The following HMGXB3 variants were observed in gnomAD, a reference collection of about 807,000 sequenced individuals.
The protein encoded by HMGXB3 is HMG-box containing 3.
Under a neutral mutation model 121.5 loss-of-function variants are expected in HMGXB3, and 45 were observed. That is an observed-to-expected ratio of 0.37 (90% CI 0.29 to 0.47). The LOEUF is 0.47. Ranked by LOEUF, HMGXB3 falls within the 20% of genes least tolerant of loss-of-function variation. HMGXB3 has a pLI of 0.99. For synonymous variants in HMGXB3, 590 were observed against 624.1 expected, an observed-to-expected ratio of 0.95 and a Z score of 0.81; for missense variants, 1,376 against 1,602.2, an observed-to-expected ratio of 0.86 and a Z score of 2.41.
chr5:150,032,535 C>T lies in HMGXB3; in HGVS notation c.1915C>T (p.Pro639Ser). Residue 639 changes from proline (P) to serine (S), a missense_variant, in exon 11 of 20, where the codon CCT (proline) becomes TCT (serine). This residue lies in a region of HMGXB3 where 1,116 missense variants were observed against 1,369.0 expected (regional missense o/e 0.82). Transcript: ENST00000502717. ...CTATGTCTACACCAACAGGCACAAA[C>T]CTCGAATTTGTCCCAGCTGTGGTGT... ...CSYVYTNRHK[P>S]RICPSCGVNL... The T allele has an allele frequency of 6.4e-7, 1 of 1,552,124 alleles. No homozygotes were observed.
At chr5:150,019,643 T>G (rs1435523495) in intron 6 of HMGXB3, among the ~76,000 whole-genome samples, 1 of 152,112 alleles carries the variant, frequency 6.6e-6, no homozygotes, top group Non-Finnish European at 1.5e-5. Flanking sequence ...GGCAAGGTAT[T>G]ATAGAAGAGA....
rs563897436 is a variant in HMGXB3 at position 150,020,667 on chromosome 5, C to T, written c.1041+1970C>T. Among the ~76,000 whole-genome samples, 25 of 151,788 alleles carry T rather than the reference C, an allele frequency of 1.6e-4. No homozygotes were observed. The South Asian group carries it at 4.6e-3, about 28-fold the overall frequency. On this transcript the variant is annotated intron_variant, in intron 6 of 19. Coordinates refer to ENST00000502717, the MANE Select transcript of HMGXB3 (RefSeq NM_014983.3). ...TTCAAATTCTTGGTCTCAAGTGATCCTCCTGCCTCAGCTTCCTGAGTAGCT... is the reference window on the plus strand; with the variant it reads ...TTCAAATTCTTGGTCTCAAGTGATCTTCCTGCCTCAGCTTCCTGAGTAGCT...
At chr5:150,011,892 G>A (rs977943119) in intron 4 of HMGXB3, among the ~76,000 whole-genome samples, 5 of 152,068 alleles carry the variant, frequency 3.3e-5, no homozygotes, top group African/African-American at 7.2e-5. Context: ...GATTACAGGC[G>A]TGAGCCGCCG....
chr5:150,048,943 A>C (rs980659577), intron 18 of HMGXB3, among the ~76,000 whole-genome samples: 11 of 152,200 alleles, frequency 7.2e-5, no homozygotes, highest in Non-Finnish European at 1.3e-4. Context: ...AGAATGACAA[A>C]GATGTCGTTC....
At chr5:150,025,046 G>A (rs1321574402) in intron 7 of HMGXB3, among the ~76,000 whole-genome samples, 1 of 152,208 alleles carries the variant, frequency 6.6e-6, no homozygotes, top group Non-Finnish European at 1.5e-5. Context: ...CTTATAGTCA[G>A]AGAACTCAGT....
Position 150,000,882 on chromosome 5 carries a change from C to T in HMGXB3, c.-300C>T, listed in dbSNP as rs1429306451. On this transcript the variant is annotated 5_prime_UTR_variant, in exon 1 of 20. Transcript: ENST00000502717. ...ATCGGTGAGGAGCCTGCGGAGCGAA[C>T]CTGTGCTCCTATTCTTGCCCTTCAG... The T allele has an allele frequency of 1.3e-5, 2 of 154,792 alleles. No homozygotes were observed. The highest frequency in any genetic ancestry group is 2.9e-5 in the Non-Finnish European group (2 of 68,216). 9.6% of individuals were successfully genotyped at this position (154,792 alleles called of 1,614,324 possible).
chr5:150,001,976 C>T (rs759261120), intron 1 of HMGXB3, among the ~76,000 whole-genome samples: 4 of 152,184 alleles, frequency 2.6e-5, no homozygotes, highest in Non-Finnish European at 4.4e-5. Flanking sequence ...ACTACTGCTT[C>T]CCTTATCCTT....
At chr5:150,035,298 C>T (rs1379956810) in intron 11 of HMGXB3, among the ~76,000 whole-genome samples, 1 of 152,078 alleles carries the variant, frequency 6.6e-6, no homozygotes, top group Non-Finnish European at 1.5e-5. Context: ...TGGTGGAAGG[C>T]AAGGGGAGCC....
rs1756736757 is a variant in HMGXB3, at chr5:150,045,602, C to T, written c.2867C>T (p.Ala956Val). The T allele has an allele frequency of 2.6e-6, 4 of 1,551,846 alleles. No individual in the cohort carries two copies. The highest frequency in any genetic ancestry group is 3.5e-6 in the Non-Finnish European group (4 of 1,147,024). Reference protein sequence around the residue: ...PITKFDASVIAPFFPPLMRGA... With the variant: ...PITKFDASVIVPFFPPLMRGA... ...ACCAAATTTGATGCGTCTGTTATTG[C>T]CCCCTTCTTCCCACCACTCATGAGA... The change falls in exon 16 of 20, where the codon GCC becomes GTC. Residue 956 changes from alanine to valine, a missense_variant. Ala to Val is a moderately conservative substitution (Grantham distance 64). This residue lies in a region of HMGXB3 where 1,116 missense variants were observed against 1,369.0 expected (regional missense o/e 0.82). Transcript: ENST00000502717.
chr5:150,010,128 A>G lies in HMGXB3; in HGVS notation c.330A>G (p.Ala110=). Residue 110 remains alanine (A), a synonymous_variant, in exon 4 of 20, where the codon GCA becomes GCG. Transcript: ENST00000502717. ...ATCCTCAGAACTCTAAGCTCTCTGCACTGACTGCTGTGGTTCCGGACATCC... is the reference window on the plus strand; with the variant it reads ...ATCCTCAGAACTCTAAGCTCTCTGCGCTGACTGCTGTGGTTCCGGACATCC... ...EGLDPNSKLS[A]LTAVVPDIPG... The G allele has an allele frequency of 1.3e-6, 2 of 1,551,200 alleles. No homozygotes were observed. Among genetic ancestry groups the G allele is most frequent in the Non-Finnish European group, 8.7e-7 (1 of 1,146,768 alleles).
chr5:150,025,868 C>T (rs1175125941), intron 7 of HMGXB3, among the ~76,000 whole-genome samples: 1 of 151,892 alleles, frequency 6.6e-6, no homozygotes, highest in African/African-American at 2.4e-5. Context: ...TGGAATCTCG[C>T]TCTGTCGCCC....
At position 150,024,456 on chromosome 5, in the gene HMGXB3, G is replaced by T; in HGVS notation, c.1236G>T (p.Glu412Asp). The change falls in exon 7 of 20, where the codon GAG becomes GAT. Residue 412 changes from glutamate to aspartate, a missense_variant. Glu to Asp is a conservative substitution (Grantham distance 45, BLOSUM62 2). Around this residue, in one of 2 missense-constraint regions of HMGXB3, gnomAD observed 1,116 missense variants for 1,369.0 expected, o/e 0.82. Transcript: ENST00000502717. ...CTCCTCCCAGAGAAGTAGGTGAGGA[G>T]AGTGAGTGGGAGGAAGTGATCATCT... ...NVAPPREVGE[E>D]SEWEEVIISD... 6.4e-7 allele frequency: 1 copy of T among 1,551,754 alleles called. No homozygotes were observed. Among genetic ancestry groups the T allele is most frequent in the Non-Finnish European group, 8.7e-7 (1 of 1,146,996 alleles).
At chr5:150,030,913 G>T (rs1324148237) in intron 10 of HMGXB3, 74 bp downstream of exon 10, 2 of 1,078,484 alleles carry the variant, frequency 1.9e-6, no homozygotes, top group African/African-American at 1.6e-5. Context: ...TCAGTAGGAG[G>T]CTGGGGGAGA....
intron 11 of HMGXB3, among the ~76,000 whole-genome samples, chr5:150,035,901 C>T (rs1756491913): frequency 6.6e-6 from 1 of 152,100 alleles, no homozygotes; most frequent in African/African-American, 2.4e-5. Context: ...AGTGCAGATA[C>T]TTGTTTATGT....
chr5:150,016,816 C>G (rs1755970511), intron 5 of HMGXB3, among the ~76,000 whole-genome samples: 1 of 152,084 alleles, frequency 6.6e-6, no homozygotes, highest in Admixed American at 6.5e-5. Flanking sequence ...CTGCCTTCTT[C>G]TGATATAAGT....
Position 150,045,474 on chromosome 5 carries a change from G to T in HMGXB3, c.2739G>T (p.Trp913Cys). The change falls in exon 16 of 20, where the codon TGG becomes TGT. Residue 913 changes from tryptophan (W) to cysteine (C), a missense_variant. Trp to Cys is a radical substitution (Grantham distance 215, BLOSUM62 -2). Transcript: ENST00000502717. ...TTATCCTGACCTTCTAGTTCACCTG[G>T]CCTGAATTCCTGGGCTCTAATGAGG... Reference protein sequence around the residue: ...VLALKSVEFTWPEFLGSNEVN... With the variant: ...VLALKSVEFTCPEFLGSNEVN... 3.9e-6 allele frequency: 6 copies of T among 1,552,160 alleles called. No individual in the cohort carries two copies. In the South Asian group the frequency reaches 7.1e-5, roughly 18 times the overall value.
At chr5:150,042,263 A>T (rs1245169217) in intron 15 of HMGXB3, among the ~76,000 whole-genome samples, 1 of 152,214 alleles carries the variant, frequency 6.6e-6, no homozygotes, top group East Asian at 1.9e-4. Context: ...CACCTGGGAG[A>T]TAGTAGTTAA....
chr5:150,009,986 T>A, intron 3 of HMGXB3, 125 bp from the exon 4 acceptor site: 1 of 1,053,674 alleles, frequency 9.5e-7, no homozygotes, highest in Non-Finnish European at 1.3e-6. Flanking sequence ...GAGAGTAGAG[T>A]TTTTCCAGTC....
intron 18 of HMGXB3, 23 bp from the exon 19 acceptor site, chr5:150,050,229 G>A (rs1756857381): frequency 2.6e-6 from 4 of 1,544,118 alleles, no homozygotes; most frequent in African/African-American, 1.4e-5. Flanking sequence ...TTAACCCTGC[G>A]CCCCCCACCC....
Sources: allele counts gnomAD v4.1 joint callset (sites outside exome capture counted in the v4.1 genomes callset), GRCh38; gene constraint gnomAD v4.1.1; regional missense constraint gnomAD v4.1.1; transcripts MANE v1.5; gene names NCBI Gene and HGNC (gene_info 2026-07-23, HGNC 2026-07-21).